Variants in NLK observed in about 807,000 individuals in gnomAD.
NLK encodes the protein serine/threonine-protein kinase NLK.
A neutral mutation model predicts 59.0 loss-of-function variants in NLK; 11 were observed. The observed-to-expected ratio is 0.19, with a 90% CI of 0.12 to 0.31. The LOEUF is 0.31. NLK is among the 10% of genes least tolerant of loss of function. NLK has a pLI of 1.00. For missense variants in NLK, 410 were observed against 661.1 expected, an observed-to-expected ratio of 0.62 and a Z score of 4.16; for synonymous variants, 235 against 235.9, an observed-to-expected ratio of 1.00 and a Z score of 0.03.
At chr17:28,057,387 C>G (rs979267493) in intron 1 of NLK, among the ~76,000 whole-genome samples, 1 of 152,294 alleles carries the variant, frequency 6.6e-6, no homozygotes. Flanking sequence ...ATTTTGTAAG[C>G]TCTCCAACTA....
At chr17:28,112,410 G>A (rs906752307) in intron 1 of NLK, among the ~76,000 whole-genome samples, 1 of 152,132 alleles carries the variant, frequency 6.6e-6, no homozygotes, top group African/African-American at 2.4e-5. Flanking sequence ...ACTGGTGCTT[G>A]GGTAGGGTGT....
chr17:28,139,867 A>G (rs539186665), intron 3 of NLK, among the ~76,000 whole-genome samples: 2 of 152,292 alleles, frequency 1.3e-5, no homozygotes, highest in South Asian at 2.1e-4. Flanking sequence ...ACTACAATCA[A>G]TGGGGCAGAG....
intron 1 of NLK, among the ~76,000 whole-genome samples, chr17:28,110,425 A>T (rs1905414286): frequency 6.8e-6 from 1 of 147,650 alleles, no homozygotes; most frequent in Non-Finnish European, 1.5e-5. Flanking sequence ...ACTTGAATTG[A>T]TGTTTGACTA....
At chr17:28,104,448 G>T (rs142742833) in intron 1 of NLK, among the ~76,000 whole-genome samples, 1 of 151,968 alleles carries the variant, frequency 6.6e-6, no homozygotes, top group Non-Finnish European at 1.5e-5. Context: ...TAGAGACGAG[G>T]TTTCACCATG....
intron 7 of NLK, among the ~76,000 whole-genome samples, chr17:28,180,681 G>A (rs959864309): frequency 8.5e-5 from 13 of 152,176 alleles, no homozygotes; most frequent in African/African-American, 3.1e-4. Context: ...GAGAGTGGAA[G>A]GGAAAGAACT....
chr17:28,097,135 A>T (rs1025833142), intron 1 of NLK, among the ~76,000 whole-genome samples: 4 of 152,214 alleles, frequency 2.6e-5, no homozygotes, highest in Non-Finnish European at 5.9e-5. Context: ...ATATAACTTA[A>T]AAATGAGACA....
chr17:28,061,812 T>C (rs1909652872), intron 1 of NLK, among the ~76,000 whole-genome samples: 1 of 145,990 alleles, frequency 6.8e-6, no homozygotes, highest in South Asian at 2.1e-4. Flanking sequence ...TACATATACA[T>C]ATATAATATA....
intron 3 of NLK, among the ~76,000 whole-genome samples, chr17:28,149,839 A>G (rs1215130554): frequency 1.3e-5 from 2 of 152,228 alleles, no homozygotes; most frequent in Non-Finnish European, 2.9e-5. Flanking sequence ...CATCTTGTAC[A>G]TGCTGCTATT....
chr17:28,172,481 G>A (rs751576387), intron 6 of NLK, 36 bp from the exon 7 acceptor site: 17 of 1,381,158 alleles, frequency 1.2e-5, no homozygotes, highest in African/African-American at 1.5e-5. Flanking sequence ...TTATTTCCAT[G>A]AGATTACTAT....
At chr17:28,094,675 A>C (rs2142782561) in intron 1 of NLK, among the ~76,000 whole-genome samples, 1 of 152,260 alleles carries the variant, frequency 6.6e-6, no homozygotes, top group Admixed American at 6.5e-5. Context: ...GAGGAGAGAC[A>C]AAAGCTAATA....
intron 2 of NLK, among the ~76,000 whole-genome samples, chr17:28,127,132 A>G (rs535051048): frequency 6.6e-6 from 1 of 152,286 alleles, no homozygotes; most frequent in Non-Finnish European, 1.5e-5. Flanking sequence ...CACTAAGTAC[A>G]CAGTAGGCGG....
chr17:28,184,848 G>A (rs1476646525), intron 7 of NLK, among the ~76,000 whole-genome samples: 3 of 152,194 alleles, frequency 2.0e-5, no homozygotes, highest in Non-Finnish European at 4.4e-5. Flanking sequence ...TCGGGAGGAT[G>A]ACCACAGAAG....
intron 1 of NLK, among the ~76,000 whole-genome samples, chr17:28,108,694 A>G (rs770005736): frequency 6.6e-6 from 1 of 152,236 alleles, no homozygotes; most frequent in Non-Finnish European, 1.5e-5. Context: ...AGTTTGAATA[A>G]ATGGAAAGTT....
chr17:28,138,225 G>A (rs1906841536), intron 3 of NLK, among the ~76,000 whole-genome samples: 1 of 152,172 alleles, frequency 6.6e-6, no homozygotes, highest in African/African-American at 2.4e-5. Context: ...GTCTGCTTTG[G>A]GAAAAGCTTA....
At chr17:28,204,064 G>T in the NLK span, among the ~76,000 whole-genome samples, 1 of 152,172 alleles carries the variant, frequency 6.6e-6, no homozygotes, top group Non-Finnish European at 1.5e-5. Context: ...GAAGAGACAG[G>T]GTGGAGGGTG....
intron 3 of NLK, among the ~76,000 whole-genome samples, chr17:28,143,921 A>G (rs1907123894): frequency 6.6e-6 from 1 of 152,264 alleles, no homozygotes. Context: ...ACATATTTAT[A>G]CAACACCTTG....
chr17:28,062,459 TAC>T lies in NLK; in HGVS notation c.458+19130_458+19131del, dbSNP rs550396107. 1.2e-3 allele frequency among the ~76,000 whole-genome samples: 187 copies of T among 152,362 alleles called. 3 individuals carry two copies. The highest frequency in any genetic ancestry group is 1.9e-4 in the Non-Finnish European group (13 of 68,038). On this transcript the variant is annotated intron_variant, in intron 1 of 10. Coordinates refer to ENST00000407008, the MANE Select transcript of NLK (RefSeq NM_016231.5). ...TTTTAAAAATCAAAACCTGGAATTG[TAC>T]AGTGTTTTAAGAAAACATTTTTAAA...
rs920898814 is a variant in NLK, at chr17:28,098,734, G to T, written c.459-23869G>T. On this transcript the variant is annotated intron_variant, in intron 1 of 10. Transcript: ENST00000407008. ...TTTTGCTCTTGTTGCCCAGGCTGGA[G>T]TGCAATGGCGCCATCTCGGCTCACC... Among the ~76,000 whole-genome samples, 69 of 143,442 alleles carry T rather than the reference G, an allele frequency of 4.8e-4. 1 individual carries two copies. The highest frequency in any genetic ancestry group is 1.7e-3 in the African/African-American group (65 of 38,118). 94.1% of individuals were successfully genotyped at this position (143,442 alleles called of 152,430 possible). A position where few individuals can be genotyped will look rare whatever the true frequency, so the allele number is the denominator to read the frequency against.
intron 3 of NLK, among the ~76,000 whole-genome samples, chr17:28,140,407 C>A (rs1014078557): frequency 6.6e-6 from 1 of 152,076 alleles, no homozygotes; most frequent in East Asian, 1.9e-4. Context: ...CACACTGAAG[C>A]GTGATTAAAT....
Sources: gnomAD v4.1 joint callset for allele counts (sites outside exome capture counted in the v4.1 genomes callset) on GRCh38, gnomAD v4.1.1 for gene constraint, MANE v1.5 for transcripts, NCBI Gene and HGNC (gene_info 2026-07-23, HGNC 2026-07-21) for gene names.